Variants in ZBTB44 observed in about 807,000 individuals in gnomAD.
The protein encoded by ZBTB44 is zinc finger and BTB domain containing 44.
In ZBTB44, 15 loss-of-function variants were observed where a neutral mutation model predicts 54.0. The observed-to-expected ratio is 0.28, with a 90% CI of 0.19 to 0.43. The LOEUF is 0.43. Ranked by LOEUF, ZBTB44 falls within the 20% of genes least tolerant of loss-of-function variation. ZBTB44 has a pLI of 1.00. For synonymous variants in ZBTB44, 230 were observed against 250.1 expected (o/e 0.92, Z 0.76); for missense variants, 487 against 707.1 (o/e 0.69, Z 3.53).
chr11:130,237,685 G>A (rs1235468894), intron 4 of ZBTB44, among the ~76,000 whole-genome samples: 1 of 152,056 alleles, frequency 6.6e-6, no homozygotes, highest in Admixed American at 6.6e-5. Context: ...CAGTGTTTTG[G>A]GGAAAAAATT....
chr11:130,285,954 A>G (rs1333298194), intron 1 of ZBTB44: 1 of 151,508 alleles, frequency 6.6e-6, no homozygotes, highest in African/African-American at 2.5e-5. Flanking sequence ...GTGTAAGAAA[A>G]CTTGTTTCTA....
At chr11:130,256,160 A>G (rs1938431070) in intron 2 of ZBTB44, among the ~76,000 whole-genome samples, 1 of 152,192 alleles carries the variant, frequency 6.6e-6, no homozygotes, top group African/African-American at 2.4e-5. Context: ...TACCAGGCCA[A>G]TATACCTGAT....
intron 1 of ZBTB44, among the ~76,000 whole-genome samples, chr11:130,307,876 C>T (rs992978606): frequency 1.3e-5 from 2 of 152,134 alleles, no homozygotes; most frequent in Non-Finnish European, 1.5e-5. Context: ...CAGGTGCATG[C>T]CACCACACTT....
chr11:130,228,742 G>C lies in ZBTB44; in HGVS notation c.*3022C>G, dbSNP rs866903195. ...GAATAATGAAATCTAAATGTGGCTA[G>C]ATTGGCATTTGGGAAAACAAGGGCC... is the stretch of plus-strand genomic sequence containing the variant. On this transcript the variant is annotated 3_prime_UTR_variant, in exon 8 of 8. Transcript: ENST00000357899. 2 of 152,156 alleles carry C rather than the reference G, an allele frequency of 1.3e-5. No homozygotes were observed. The highest frequency in any genetic ancestry group is 2.9e-5 in the Non-Finnish European group (2 of 68,030). 9.4% of individuals were successfully genotyped at this position (152,156 alleles called of 1,614,324 possible).
intron 2 of ZBTB44, among the ~76,000 whole-genome samples, chr11:130,251,047 A>G (rs1414825841): frequency 6.6e-6 from 1 of 152,212 alleles, no homozygotes; most frequent in Non-Finnish European, 1.5e-5. Flanking sequence ...AAGAACCTTG[A>G]CAAAAGGTTA....
rs753957528 is a variant in ZBTB44, at chr11:130,234,294, G to A, written c.1569-21C>T. ...AATCACTAGATAAGAGGCAAAGGAT[G>A]AAATATGGAATTAATTTTCAAACCA... On this transcript the variant is annotated intron_variant, in intron 5 of 7. Transcript: ENST00000357899. The A allele has an allele frequency of 3.3e-6, 5 of 1,505,362 alleles. No homozygotes were observed. In the African/African-American group the frequency reaches 7.1e-5, roughly 21 times the overall value. The allele number at this position is 1,505,362 out of a possible 1,614,324, so 93.3% of individuals were successfully genotyped here. A position where few individuals can be genotyped will look rare whatever the true frequency, so the allele number is the denominator to read the frequency against.
At chr11:130,287,216 T>C (rs993236934) in intron 1 of ZBTB44, among the ~76,000 whole-genome samples, 1 of 152,154 alleles carries the variant, frequency 6.6e-6, no homozygotes, top group African/African-American at 2.4e-5. Flanking sequence ...CCATGCCCCA[T>C]CCCTCACCTC....
intron 1 of ZBTB44, among the ~76,000 whole-genome samples, chr11:130,291,829 A>G (rs1941314873): frequency 6.6e-6 from 1 of 152,248 alleles, no homozygotes; most frequent in Non-Finnish European, 1.5e-5. Flanking sequence ...ATTCATGTAC[A>G]ATAAACTGCA....
intron 1 of ZBTB44, among the ~76,000 whole-genome samples, chr11:130,278,074 G>A (rs912871993): frequency 2.0e-5 from 3 of 151,774 alleles, no homozygotes; most frequent in Non-Finnish European, 4.4e-5. Context: ...TGTTTAAATT[G>A]CTACATTTTT....
intron 1 of ZBTB44, among the ~76,000 whole-genome samples, chr11:130,304,910 C>G (rs996673838): frequency 6.6e-6 from 1 of 152,144 alleles, no homozygotes; most frequent in Non-Finnish European, 1.5e-5. Flanking sequence ...AGTGAAGTTT[C>G]AGGATACAAA....
Position 130,236,993 on chromosome 11 carries a change from C to T in ZBTB44, c.1368G>A (p.Arg456=), listed in dbSNP as rs1174594041. The T allele has an allele frequency of 1.2e-6, 2 of 1,612,512 alleles. No homozygotes were observed. Among genetic ancestry groups the T allele is most frequent in the South Asian group, 1.1e-5 (1 of 90,908 alleles). ...RLKHEGKRCF[R]CQICSATFTS... is the part of the protein sequence containing the mutation. Reference sequence around the variant, plus strand: ...TGAAAGTGGCACTACATATCTGGCACCGGAAACAGCGTTTACCTTCATGCT... The same window carrying T: ...TGAAAGTGGCACTACATATCTGGCATCGGAAACAGCGTTTACCTTCATGCT... The change falls in exon 5 of 8, where the codon CGG becomes CGA. Residue 456 remains arginine (R), a synonymous_variant. Transcript: ENST00000357899.
intron 1 of ZBTB44, among the ~76,000 whole-genome samples, chr11:130,298,593 G>C (rs183393209): frequency 5.9e-5 from 9 of 151,360 alleles, no homozygotes; most frequent in Admixed American, 3.9e-4. Flanking sequence ...CTCCCAAGTG[G>C]CTGGGACTAC....
At chr11:130,273,752 A>G (rs1261341477) in intron 1 of ZBTB44, among the ~76,000 whole-genome samples, 1 of 152,128 alleles carries the variant, frequency 6.6e-6, no homozygotes, top group Non-Finnish European at 1.5e-5. Flanking sequence ...ATTTTCTATA[A>G]ACAGGTTGAG....
chr11:130,289,879 A>G (rs1222491894), intron 1 of ZBTB44, among the ~76,000 whole-genome samples: 1 of 152,228 alleles, frequency 6.6e-6, no homozygotes, highest in Admixed American at 6.5e-5. Flanking sequence ...GCCCATAGGT[A>G]CTTCAGCAGA....
intron 1 of ZBTB44, among the ~76,000 whole-genome samples, chr11:130,277,451 A>G (rs767397732): frequency 3.3e-5 from 5 of 151,598 alleles, no homozygotes; most frequent in Non-Finnish European, 7.4e-5. Context: ...TACAAACACA[A>G]TATGTGGTCA....
chr11:130,228,066 A>T lies in ZBTB44; in HGVS notation c.*3698T>A, dbSNP rs1953750840. The T allele has an allele frequency of 6.6e-6, 1 of 152,232 alleles. No homozygotes were observed. The highest frequency in any genetic ancestry group is 2.4e-5 in the African/African-American group (1 of 41,470). 9.4% of individuals were successfully genotyped at this position (152,232 alleles called of 1,614,324 possible). ...TTGAAAAGATAGTAGAGGCACAAAG[A>T]AGCCATATACTATCCTCCAAGTTGG... is the stretch of plus-strand genomic sequence containing the variant. On this transcript the variant is annotated 3_prime_UTR_variant, in exon 8 of 8. Transcript: ENST00000357899.
intron 1 of ZBTB44, among the ~76,000 whole-genome samples, chr11:130,309,871 G>T (rs949674022): frequency 6.7e-6 from 1 of 150,006 alleles, no homozygotes; most frequent in African/African-American, 2.5e-5. Flanking sequence ...ATTCCAGCCT[G>T]GGCAACAGAG....
At chr11:130,249,154 C>A (rs1308734133) in intron 2 of ZBTB44, among the ~76,000 whole-genome samples, 1 of 152,056 alleles carries the variant, frequency 6.6e-6, no homozygotes, top group African/African-American at 2.4e-5. Context: ...ATTATATATA[C>A]TTGGGAGTGG....
At chr11:130,233,145 T>C in intron 7 of ZBTB44, 163 bp downstream of exon 7, 1 of 729,380 alleles carries the variant, frequency 1.4e-6, no homozygotes. Flanking sequence ...TTACTTTATA[T>C]GGCAGCACGC....
Sources: allele counts gnomAD v4.1 joint callset (sites outside exome capture counted in the v4.1 genomes callset), GRCh38; gene constraint gnomAD v4.1.1; transcripts MANE v1.5; gene names NCBI Gene and HGNC (gene_info 2026-07-23, HGNC 2026-07-21).